Variants in VAV2 observed in about 807,000 individuals in gnomAD.
VAV2 encodes guanine nucleotide exchange factor VAV2.
A neutral mutation model predicts 132.5 loss-of-function variants in VAV2; 67 were observed. The observed-to-expected ratio is 0.51, with a 90% confidence interval of 0.42 to 0.62. The LOEUF (loss-of-function observed/expected upper bound fraction) is 0.62, where lower values mean the gene tolerates loss of function less well. Among genes scored for constraint, VAV2 ranks in the 20% least tolerant of loss-of-function variants. The probability of loss-of-function intolerance (pLI) is 0.00; values close to 1 mark genes in which losing one functional copy is unlikely to be tolerated. For synonymous variants in VAV2, 492 were observed against 443.5 expected (o/e 1.11, Z -1.37); for missense variants, 938 against 1,153.6 (o/e 0.81, Z 2.71).
chr9:133,799,306 C>T (rs61443963), intron 9 of VAV2, among the ~76,000 whole-genome samples: 8,163 of 152,280 alleles, frequency 0.054, 768 homozygotes, highest in African/African-American at 0.19. Context: ...CGGCCAGGGC[C>T]GCCAGAGGCC....
intron 29 of VAV2, among the ~76,000 whole-genome samples, chr9:133,765,227 A>C (rs1327374639): frequency 6.6e-6 from 1 of 152,268 alleles, no homozygotes; most frequent in East Asian, 1.9e-4. Flanking sequence ...GAAAGTTTGA[A>C]GAGAAACAGG....
chr9:133,922,772 AG>A (rs1840341734), intron 2 of VAV2, among the ~76,000 whole-genome samples: 1 of 152,238 alleles, frequency 6.6e-6, no homozygotes, highest in African/African-American at 2.4e-5. Context: ...ATAGGGGAAA[AG>A]TTTCATGACA....
intron 2 of VAV2, among the ~76,000 whole-genome samples, chr9:133,937,645 G>A (rs1369662879): frequency 2.0e-5 from 3 of 152,086 alleles, no homozygotes; most frequent in Non-Finnish European, 4.4e-5. Context: ...CTGCTTGCAG[G>A]GAAGGAACAG....
At chr9:133,808,957 G>T (rs899769289) in intron 7 of VAV2, 83 bp downstream of exon 7, 9 of 1,312,720 alleles carry the variant, frequency 6.9e-6, no homozygotes, top group African/African-American at 4.4e-5. Context: ...CCCTGCCTCC[G>T]GAATGCACTC....
At chr9:133,911,013 G>C (rs1222822424) in intron 2 of VAV2, among the ~76,000 whole-genome samples, 1 of 152,058 alleles carries the variant, frequency 6.6e-6, no homozygotes, top group Non-Finnish European at 1.5e-5. Context: ...CTACAGCTGG[G>C]AGCGCCGTGG....
chr9:133,867,496 T>G (rs1837853690), intron 2 of VAV2, among the ~76,000 whole-genome samples: 1 of 152,154 alleles, frequency 6.6e-6, no homozygotes, highest in Non-Finnish European at 1.5e-5. Flanking sequence ...CTGACCCTCG[T>G]CAAGCCTCCA....
chr9:133,944,963 C>T (rs887476936), intron 1 of VAV2, among the ~76,000 whole-genome samples: 6 of 152,250 alleles, frequency 3.9e-5, no homozygotes, highest in African/African-American at 7.2e-5. Context: ...CGTCTCGGTG[C>T]GCTGACTCAC....
Position 133,789,282 on chromosome 9 carries a change from A to T in VAV2, c.1250T>A (p.Ile417Lys). The T allele has an allele frequency of 1.2e-6, 2 of 1,614,100 alleles. No homozygotes were observed. The highest frequency in any genetic ancestry group is 1.7e-6 in the Non-Finnish European group (2 of 1,180,026). ...CCTGTCCTGCTTGGTGTGGTTGACT[A>T]TGGACCGGACTTTCAGTTCCCCGTC... ...KIDGELKVRSIVNHTKQDRYL... is the reference protein window; with the variant it reads ...KIDGELKVRSKVNHTKQDRYL... Residue 417 changes from isoleucine (I) to lysine (K), a missense_variant, in exon 14 of 30, where the codon ATA (isoleucine) becomes AAA (lysine). Transcript: ENST00000371850.
intron 1 of VAV2, among the ~76,000 whole-genome samples, chr9:133,964,026 T>TTTAC (rs71499169): frequency 1.3e-5 from 1 of 76,626 alleles, no homozygotes; most frequent in African/African-American, 4.6e-5. Flanking sequence ...TTCATTCATA[T>TTTAC]ATATATATAT....
chr9:133,770,796 G>C (rs189255875), intron 26 of VAV2, among the ~76,000 whole-genome samples: 267 of 152,320 alleles, frequency 1.8e-3, no homozygotes, highest in African/African-American at 6.2e-3. Context: ...TCTGTACCCA[G>C]CACTTGGGGT....
At chr9:133,964,469 C>T (rs1415654494) in intron 1 of VAV2, among the ~76,000 whole-genome samples, 1 of 151,936 alleles carries the variant, frequency 6.6e-6, no homozygotes, top group African/African-American at 2.4e-5. Context: ...CATGCGTATG[C>T]TTTTTATAAT....
At chr9:133,872,833 C>T (rs1321275081) in intron 2 of VAV2, among the ~76,000 whole-genome samples, 1 of 152,108 alleles carries the variant, frequency 6.6e-6, no homozygotes, top group Non-Finnish European at 1.5e-5. Context: ...CAGAAAAGCA[C>T]ACAAGGGGGT....
At chr9:133,796,014 G>A (rs879650303) in intron 11 of VAV2, among the ~76,000 whole-genome samples, 3 of 152,212 alleles carry the variant, frequency 2.0e-5, no homozygotes, top group East Asian at 1.9e-4. Flanking sequence ...AAAGCAAGGC[G>A]CTGTGCCAGC....
At chr9:133,842,623 T>C (rs1836770181) in intron 3 of VAV2, among the ~76,000 whole-genome samples, 1 of 149,038 alleles carries the variant, frequency 6.7e-6, no homozygotes, top group South Asian at 2.1e-4. Flanking sequence ...CGGGGGGTGG[T>C]GGGGGCCTGG....
intron 3 of VAV2, among the ~76,000 whole-genome samples, chr9:133,839,606 C>T (rs148328678): frequency 0.037 from 5,559 of 151,950 alleles, 343 homozygotes; most frequent in African/African-American, 0.13. Flanking sequence ...CCCACCCCGA[C>T]GTCCAGCTAA....
chr9:133,844,994 C>T (rs1028397350), intron 3 of VAV2, among the ~76,000 whole-genome samples: 1 of 152,246 alleles, frequency 6.6e-6, no homozygotes, highest in African/African-American at 2.4e-5. Flanking sequence ...ACTGGAAACA[C>T]CGTTCCTTTT....
chr9:133,774,790 G>T, intron 25 of VAV2, 145 bp downstream of exon 25: 1 of 755,986 alleles, frequency 1.3e-6, no homozygotes, highest in Non-Finnish European at 2.2e-6. Context: ...CCTCAGCACC[G>T]CTTTCATCTC....
intron 15 of VAV2, among the ~76,000 whole-genome samples, chr9:133,787,466 C>T (rs536595886): frequency 6.6e-6 from 1 of 152,252 alleles, no homozygotes; most frequent in East Asian, 1.9e-4. Context: ...CCTCATGGGC[C>T]CCAGTTACTT....
At chr9:133,890,500 A>G (rs1409582435) in intron 2 of VAV2, among the ~76,000 whole-genome samples, 1 of 152,124 alleles carries the variant, frequency 6.6e-6, no homozygotes, top group Non-Finnish European at 1.5e-5. Context: ...GGCTCTCCCT[A>G]GCTGGAGCAA....
Sources: allele counts gnomAD v4.1 joint callset (sites outside exome capture counted in the v4.1 genomes callset), GRCh38; gene constraint gnomAD v4.1.1; transcripts MANE v1.5; gene names NCBI Gene and HGNC (gene_info 2026-07-23, HGNC 2026-07-21).